SLC2A4: variants seen among roughly 807,000 people sequenced by gnomAD.
The protein encoded by SLC2A4 is solute carrier family 2, facilitated glucose transporter member 4.
A neutral mutation model predicts 53.3 loss-of-function variants in SLC2A4; 31 were observed. The observed-to-expected ratio is 0.58, with a 90% confidence interval of 0.44 to 0.78. SLC2A4 has a LOEUF of 0.78. Among genes scored for constraint, SLC2A4 ranks in the 30% least tolerant of loss-of-function variants. The pLI, the probability that SLC2A4 is intolerant of heterozygous loss-of-function variation, is 0.00. For missense variants in SLC2A4, 538 were observed against 655.7 expected (o/e 0.82, Z 1.96); for synonymous variants, 276 against 281.9 (o/e 0.98, Z 0.21).
In SLC2A4 at chr17:7,283,116, A is replaced by G; in HGVS notation, c.34-129A>G. The G allele has an allele frequency of 3.7e-6, 3 of 802,944 alleles. No homozygotes were observed. The South Asian group carries it at 4.0e-5, about 11-fold the overall frequency. 49.7% of individuals were successfully genotyped at this position (802,944 alleles called of 1,614,324 possible). On this transcript the variant is annotated intron_variant, in intron 1 of 10. Coordinates refer to ENST00000317370, the MANE Select transcript of SLC2A4 (RefSeq NM_001042.3). This position sits in a 1 kb window ranked among gnomAD's most constrained non-coding sequence, Gnocchi z 5.8. ...CTTTGTGCAATTCCTAATATGGCCC[A>G]GTTTCCCTCACCCAACATGTTGGGT...
chr17:7,281,754 G>A lies in SLC2A4; in HGVS notation c.-181G>A. On this transcript the variant is annotated 5_prime_UTR_variant, in exon 1 of 11. Transcript: ENST00000317370. ...CAGCCCCGCTCCACCAGATCCGCGG[G>A]AGCCCCACTGCTCTCCGGGTCCTTG... is the stretch of plus-strand genomic sequence containing the variant. 1 of 662,896 alleles carries A rather than the reference G, an allele frequency of 1.5e-6. No individual in the cohort carries two copies. The highest frequency in any genetic ancestry group is 2.7e-5 in the East Asian group (1 of 36,486). The allele number at this position is 662,896 out of a possible 1,614,324, so 41.1% of individuals were successfully genotyped here.
Position 7,285,692 on chromosome 17 carries a change from G to A in SLC2A4, c.1123-13G>A. The A allele has an allele frequency of 5.0e-6, 8 of 1,613,962 alleles. No individual in the cohort carries two copies. Among genetic ancestry groups the A allele is most frequent in the Non-Finnish European group, 6.8e-6 (8 of 1,179,804 alleles). ...CTCAACTGGATTCTCCACCCTCCCT[G>A]TCTGGCCCCTAGGAGCGAGTTCCAG... On this transcript the variant is annotated splice_polypyrimidine_tract_variant and intron_variant, in intron 9 of 10. Coordinates refer to ENST00000317370, the MANE Select transcript of SLC2A4 (RefSeq NM_001042.3). This position sits in a 1 kb window ranked among gnomAD's most constrained non-coding sequence, Gnocchi z 6.0.
At chr17:7,286,032 T>G in intron 10 of SLC2A4, 124 bp downstream of exon 10, 1 of 832,828 alleles carries the variant, frequency 1.2e-6, no homozygotes, top group Non-Finnish European at 1.9e-6. Flanking sequence ...GTCAGTTTGG[T>G]GGACCACCTG....
rs1249003606 is a variant in SLC2A4, at chr17:7,283,499, G to A, written c.177G>A (p.Thr59=). ...TGATTGAACAGAGCTACAATGAGAC[G>A]TGGCTGGGGAGGCAGGGGCCTGAGG... ...QKVIEQSYNE[T]WLGRQGPEGP... The change falls in exon 3 of 11, where the codon ACG becomes ACA. Residue 59 remains threonine, a synonymous_variant. Transcript: ENST00000317370. The surrounding 1 kb of genome is among the most constrained non-coding windows in gnomAD (Gnocchi z 5.8). 12 of 1,613,966 alleles carry A rather than the reference G, an allele frequency of 7.4e-6. No individual in the cohort carries two copies. Among genetic ancestry groups the A allele is most frequent in the Admixed American group, 3.3e-5 (2 of 60,022 alleles).
Position 7,285,331 on chromosome 17 carries a change from G to T in SLC2A4, c.1122+142G>T. 1 of 777,254 alleles carries T rather than the reference G, an allele frequency of 1.3e-6. No individual in the cohort carries two copies. Among genetic ancestry groups the T allele is most frequent in the Non-Finnish European group, 2.2e-6 (1 of 460,804 alleles). 48.1% of individuals were successfully genotyped at this position (777,254 alleles called of 1,614,324 possible). On this transcript the variant is annotated intron_variant, in intron 9 of 10. Coordinates refer to ENST00000317370, the MANE Select transcript of SLC2A4 (RefSeq NM_001042.3). This position sits in a 1 kb window ranked among gnomAD's most constrained non-coding sequence, Gnocchi z 6.0. ...TCCGGACCAGGACTGGGGCTGACTG[G>T]CTCCAGAATCTGCTGGGATTGTGGT...
rs752689766 is a variant in SLC2A4 at position 7,283,459 on chromosome 17, C to T, written c.151-14C>T. 37 of 1,613,250 alleles carry T rather than the reference C, an allele frequency of 2.3e-5. No homozygotes were observed. The highest frequency in any genetic ancestry group is 1.7e-4 in the Middle Eastern group (1 of 6,060). ...GGACGGTCTGCAGGAAATCTGTCCT[C>T]TGCTGTCCCCCAGGTGATTGAACAG... is the stretch of plus-strand genomic sequence containing the variant. On this transcript the variant is annotated splice_polypyrimidine_tract_variant and intron_variant, in intron 2 of 10. Transcript: ENST00000317370. The surrounding 1 kb of genome is among the most constrained non-coding windows in gnomAD (Gnocchi z 5.8).
Position 7,281,728 on chromosome 17 carries a change from C to T in SLC2A4, c.-207C>T, listed in dbSNP as rs1438737611. 7 of 627,272 alleles carry T rather than the reference C, an allele frequency of 1.1e-5. No homozygotes were observed. Among genetic ancestry groups the T allele is most frequent in the African/African-American group, 5.5e-5 (3 of 54,534 alleles). 38.9% of individuals were successfully genotyped at this position (627,272 alleles called of 1,614,324 possible). A position where few individuals can be genotyped will look rare whatever the true frequency, so the allele number is the denominator to read the frequency against. On this transcript the variant is annotated 5_prime_UTR_variant, in exon 1 of 11. Coordinates refer to ENST00000317370, the MANE Select transcript of SLC2A4 (RefSeq NM_001042.3). Reference sequence around the variant, plus strand: ...GCGGGGGCTTCTCGCGTCTTTTCCCCCAGCCCCGCTCCACCAGATCCGCGG... The same window carrying T: ...GCGGGGGCTTCTCGCGTCTTTTCCCTCAGCCCCGCTCCACCAGATCCGCGG...
rs2072461822 is a variant in SLC2A4, at chr17:7,287,417, C to A, written c.*788C>A. 6.6e-6 allele frequency: 1 copy of A among 152,436 alleles called. No individual in the cohort carries two copies. The highest frequency in any genetic ancestry group is 1.5e-5 in the Non-Finnish European group (1 of 68,210). 9.4% of individuals were successfully genotyped at this position (152,436 alleles called of 1,614,324 possible). On this transcript the variant is annotated 3_prime_UTR_variant, in exon 11 of 11. Coordinates refer to ENST00000317370, the MANE Select transcript of SLC2A4 (RefSeq NM_001042.3). ...GGGATTACAGGCGTGAGCCACCGCGCCTGGCGAAGGGAGTTCTCTCTTGAC... is the reference window on the plus strand; with the variant it reads ...GGGATTACAGGCGTGAGCCACCGCGACTGGCGAAGGGAGTTCTCTCTTGAC...
In SLC2A4 at chr17:7,281,908, C is replaced by T. The variant is rs751290934; in HGVS notation, c.-27C>T. ...ATCGGTTCTTTCATCTTCGCCGCCC[C>T]TGCGCGTCCAGCTCTTCTAAGACGA... On this transcript the variant is annotated 5_prime_UTR_variant, in exon 1 of 11. Coordinates refer to ENST00000317370, the MANE Select transcript of SLC2A4 (RefSeq NM_001042.3). The T allele has an allele frequency of 1.9e-6, 3 of 1,593,538 alleles. No homozygotes were observed. The highest frequency in any genetic ancestry group is 1.7e-5 in the Admixed American group (1 of 57,886).
At position 7,284,978 on chromosome 17, in the gene SLC2A4, T is replaced by C; in HGVS notation, c.1020+39T>C. On this transcript the variant is annotated intron_variant, in intron 8 of 10. Coordinates refer to ENST00000317370, the MANE Select transcript of SLC2A4 (RefSeq NM_001042.3). The surrounding 1 kb of genome is among the most constrained non-coding windows in gnomAD (Gnocchi z 7.5). Reference sequence around the variant, plus strand: ...TCTGGAATGGCCCGAGCCACTGGCTTCACCTCCCTGGGTGTCCCGGAGGTC... The same window carrying C: ...TCTGGAATGGCCCGAGCCACTGGCTCCACCTCCCTGGGTGTCCCGGAGGTC... The C allele has an allele frequency of 6.2e-7, 1 of 1,614,218 alleles. No individual in the cohort carries two copies.
At position 7,282,504 on chromosome 17, in the gene SLC2A4, C is replaced by G. The variant is rs1248387878; in HGVS notation, c.33+537C>G. 2 of 420,258 alleles carry G rather than the reference C, an allele frequency of 4.8e-6. No individual in the cohort carries two copies. The highest frequency in any genetic ancestry group is 9.6e-6 in the Non-Finnish European group (2 of 207,840). The allele number at this position is 420,258 out of a possible 1,614,324, so 26.0% of individuals were successfully genotyped here. Reference sequence around the variant, plus strand: ...GTTTCCGCTTGGAGACAGTCTGTGCCGCCAGCGAGCGGCCACCACTGCCAC... The same window carrying G: ...GTTTCCGCTTGGAGACAGTCTGTGCGGCCAGCGAGCGGCCACCACTGCCAC... On this transcript the variant is annotated intron_variant, in intron 1 of 10. Transcript: ENST00000317370. The surrounding 1 kb of genome is among the most constrained non-coding windows in gnomAD (Gnocchi z 4.1).
At position 7,284,748 on chromosome 17, in the gene SLC2A4, CAACA is replaced by C. The variant is rs1169884742; in HGVS notation, c.915+77_915+80del. On this transcript the variant is annotated intron_variant, in intron 7 of 10. Coordinates refer to ENST00000317370, the MANE Select transcript of SLC2A4 (RefSeq NM_001042.3). This position sits in a 1 kb window ranked among gnomAD's most constrained non-coding sequence, Gnocchi z 7.5. Reference sequence around the variant, plus strand: ...AGAGTGGGGAGCAAACCCCCTCCACCAACACCCAGGGTAGGGCCAGCCTGTTGTG... The same window carrying C: ...AGAGTGGGGAGCAAACCCCCTCCACCCCCAGGGTAGGGCCAGCCTGTTGTG... 2.5e-6 allele frequency: 4 copies of C among 1,609,034 alleles called. No individual in the cohort carries two copies. Among genetic ancestry groups the C allele is most frequent in the Non-Finnish European group, 3.4e-6 (4 of 1,175,500 alleles).
rs369021140 is a variant in SLC2A4, at chr17:7,285,933, C to G, written c.1326+25C>G. The G allele has an allele frequency of 1.2e-4, 194 of 1,600,800 alleles. No individual in the cohort carries two copies. Among genetic ancestry groups the G allele is most frequent in the Non-Finnish European group, 1.6e-4 (184 of 1,170,662 alleles). The stretch of plus-strand genomic sequence containing the variant: ...GGTAGGTCCCCCCGCCCCAGCCTCC[C>G]ACACCGTAGGCCAGAGGTGGGCATC... On this transcript the variant is annotated intron_variant, in intron 10 of 10. Transcript: ENST00000317370. This position sits in a 1 kb window ranked among gnomAD's most constrained non-coding sequence, Gnocchi z 6.0.
At position 7,285,882 on chromosome 17, in the gene SLC2A4, A is replaced by G. The variant is rs888726290; in HGVS notation, c.1300A>G (p.Ile434Val). Residue 434 changes from isoleucine to valine, a missense_variant, in exon 10 of 11, where the codon ATT becomes GTT. Coordinates refer to ENST00000317370, the MANE Select transcript of SLC2A4 (RefSeq NM_001042.3). The surrounding 1 kb of genome is among the most constrained non-coding windows in gnomAD (Gnocchi z 6.0). ...GFSNWTSNFI[I>V]GMGFQYVAEA... The stretch of plus-strand genomic sequence containing the variant: ...CTCCAACTGGACGAGCAACTTCATC[A>G]TTGGCATGGGTTTCCAGTATGTTGC... 3.7e-6 allele frequency: 6 copies of G among 1,613,890 alleles called. No individual in the cohort carries two copies. The highest frequency in any genetic ancestry group is 1.7e-5 in the Admixed American group (1 of 59,980).
rs751022727 is a variant in SLC2A4 at position 7,284,629 on chromosome 17, C to T, written c.872C>T (p.Ala291Val). 2.8e-5 allele frequency: 45 copies of T among 1,614,040 alleles called. No individual in the cohort carries two copies. The Admixed American group carries it at 5.8e-4, about 21-fold the overall frequency. ...SRTHRQPLII[A>V]VVLQLSQQLS... Reference sequence around the variant, plus strand: ...ACCCACCGGCAGCCCCTGATCATTGCGGTCGTGCTGCAGCTGAGCCAGCAG... The same window carrying T: ...ACCCACCGGCAGCCCCTGATCATTGTGGTCGTGCTGCAGCTGAGCCAGCAG... Residue 291 changes from alanine (A) to valine (V), a missense_variant, in exon 7 of 11, where the codon GCG becomes GTG. Ala to Val is a moderately conservative substitution (Grantham distance 64). Coordinates refer to ENST00000317370, the MANE Select transcript of SLC2A4 (RefSeq NM_001042.3). This position sits in a 1 kb window ranked among gnomAD's most constrained non-coding sequence, Gnocchi z 7.5.
chr17:7,284,409 G>A lies in SLC2A4; in HGVS notation c.727+30G>A. ...GCTCTCCCGCTGCAGCCTGGCCCAG[G>A]CCCATGCCTCCGCCTCATCTTGCTA... On this transcript the variant is annotated intron_variant, in intron 6 of 10. Coordinates refer to ENST00000317370, the MANE Select transcript of SLC2A4 (RefSeq NM_001042.3). This position sits in a 1 kb window ranked among gnomAD's most constrained non-coding sequence, Gnocchi z 7.5. 1 of 1,614,102 alleles carries A rather than the reference G, an allele frequency of 6.2e-7. No individual in the cohort carries two copies. The highest frequency in any genetic ancestry group is 8.5e-7 in the Non-Finnish European group (1 of 1,180,006).
chr17:7,285,282 CAT>C lies in SLC2A4; in HGVS notation c.1122+94_1122+95del. 3 of 1,052,490 alleles carry C rather than the reference CAT, an allele frequency of 2.9e-6. No individual in the cohort carries two copies. Among genetic ancestry groups the C allele is most frequent in the South Asian group, 2.7e-5 (2 of 74,544 alleles). The allele number at this position is 1,052,490 out of a possible 1,614,324, so 65.2% of individuals were successfully genotyped here. A position where few individuals can be genotyped will look rare whatever the true frequency, so the allele number is the denominator to read the frequency against. ...CCAGCCAGGGTCCCTTCTTAACACA[CAT>C]GCTTTCAATCCTGGCGCCAGCTCCG... On this transcript the variant is annotated intron_variant, in intron 9 of 10. Transcript: ENST00000317370. This position sits in a 1 kb window ranked among gnomAD's most constrained non-coding sequence, Gnocchi z 6.0.
At chr17:7,286,042 G>C (rs1412278085) in intron 10 of SLC2A4, 134 bp downstream of exon 10, 3 of 775,396 alleles carry the variant, frequency 3.9e-6, no homozygotes, top group Admixed American at 2.8e-5. Flanking sequence ...TGGACCACCT[G>C]CTCCACAGAA....
rs746163031 is a variant in SLC2A4 at position 7,285,009 on chromosome 17, C to T, written c.1020+70C>T. On this transcript the variant is annotated intron_variant, in intron 8 of 10. Coordinates refer to ENST00000317370, the MANE Select transcript of SLC2A4 (RefSeq NM_001042.3). The surrounding 1 kb of genome is among the most constrained non-coding windows in gnomAD (Gnocchi z 6.0). Reference sequence around the variant, plus strand: ...CCCTGGGTGTCCCGGAGGTCCTGCTCTTGGTTGCCCTCACCCACGCGGCCC... The same window carrying T: ...CCCTGGGTGTCCCGGAGGTCCTGCTTTTGGTTGCCCTCACCCACGCGGCCC... 22 of 1,613,952 alleles carry T rather than the reference C, an allele frequency of 1.4e-5. No homozygotes were observed. Among genetic ancestry groups the T allele is most frequent in the Non-Finnish European group, 1.8e-5 (21 of 1,179,958 alleles).
Sources: allele counts gnomAD v4.1 joint callset, GRCh38; gene constraint gnomAD v4.1.1; non-coding constraint Gnocchi (gnomAD v3.1); transcripts MANE v1.5; gene names NCBI Gene and HGNC (gene_info 2026-07-23, HGNC 2026-07-21).